GTF2F2: variants seen among roughly 807,000 people sequenced by gnomAD.
GTF2F2 encodes ATP-dependent helicase GTF2F2.
In GTF2F2, 23 loss-of-function variants were observed where a neutral mutation model predicts 42.2. That is an observed-to-expected ratio of 0.55 (90% CI 0.39 to 0.77). The LOEUF (loss-of-function observed/expected upper bound fraction) is 0.77. Among genes scored for constraint, GTF2F2 ranks in the 30% least tolerant of loss-of-function variants. The pLI is 0.00. For synonymous variants in GTF2F2, 105 were observed against 100.8 expected, an observed-to-expected ratio of 1.04 and a Z score of -0.25; for missense variants, 261 against 287.2, an observed-to-expected ratio of 0.91 and a Z score of 0.66.
intron 5 of GTF2F2, among the ~76,000 whole-genome samples, chr13:45,211,218 G>A (rs1873624246): frequency 6.6e-6 from 1 of 152,046 alleles, no homozygotes; most frequent in South Asian, 2.1e-4. Context: ...ATCCCATTTG[G>A]CAGTTTACAT....
chr13:45,260,237 A>T (rs1024206144), intron 6 of GTF2F2, among the ~76,000 whole-genome samples: 3 of 152,306 alleles, frequency 2.0e-5, no homozygotes, highest in Admixed American at 2.0e-4. Flanking sequence ...TTCTATGCAT[A>T]AATTTGAATT....
intron 4 of GTF2F2, among the ~76,000 whole-genome samples, chr13:45,203,617 A>G (rs1228205958): frequency 6.6e-6 from 1 of 152,128 alleles, no homozygotes. Context: ...CTCCCCTCAT[A>G]CTTGCAATTT....
intron 4 of GTF2F2, among the ~76,000 whole-genome samples, chr13:45,183,042 A>G (rs1872240125): frequency 6.6e-6 from 1 of 151,964 alleles, no homozygotes; most frequent in Non-Finnish European, 1.5e-5. Context: ...TATTTTGCCC[A>G]TTTTCAAGGT....
chr13:45,153,247 T>C (rs1255355651), intron 4 of GTF2F2, among the ~76,000 whole-genome samples: 1 of 151,896 alleles, frequency 6.6e-6, no homozygotes, highest in Non-Finnish European at 1.5e-5. Context: ...CTCGATCTCC[T>C]GACCTCGTGA....
At chr13:45,264,040 A>G (rs1421760317) in intron 6 of GTF2F2, 1 of 152,220 alleles carries the variant, frequency 6.6e-6, no homozygotes, top group Admixed American at 6.5e-5. Flanking sequence ...TAAGTAAACA[A>G]TTAACAAATA....
chr13:45,129,490 G>A (rs1000883761), intron 1 of GTF2F2, among the ~76,000 whole-genome samples: 17 of 152,190 alleles, frequency 1.1e-4, no homozygotes, highest in African/African-American at 3.1e-4. Context: ...GATTACAGGC[G>A]TGAGCCACCA....
At chr13:45,211,865 C>T (rs965305003) in intron 5 of GTF2F2, among the ~76,000 whole-genome samples, 11 of 152,080 alleles carry the variant, frequency 7.2e-5, no homozygotes, top group Admixed American at 2.6e-4. Context: ...GGATTACAGG[C>T]GTAATCCACT....
At chr13:45,125,643 G>A (rs1307590976) in intron 1 of GTF2F2, among the ~76,000 whole-genome samples, 1 of 152,078 alleles carries the variant, frequency 6.6e-6, no homozygotes, top group Non-Finnish European at 1.5e-5. Context: ...TCTTTAATGG[G>A]TTATCTCCCT....
chr13:45,181,987 A>G (rs1213294413), intron 4 of GTF2F2, among the ~76,000 whole-genome samples: 1 of 152,122 alleles, frequency 6.6e-6, no homozygotes, highest in East Asian at 1.9e-4. Flanking sequence ...CTTAGGTAAC[A>G]AATGGCCGCC....
chr13:45,154,060 A>G (rs768330056), intron 4 of GTF2F2, among the ~76,000 whole-genome samples: 56 of 151,304 alleles, frequency 3.7e-4, no homozygotes, highest in Non-Finnish European at 7.2e-4. Flanking sequence ...ATTTAATAAG[A>G]TCTGTTGAAC....
chr13:45,194,625 A>G, intron 4 of GTF2F2: 10 of 1,428,966 alleles, frequency 7.0e-6, no homozygotes, highest in Middle Eastern at 1.8e-4. Context: ...TTAAAAAGAG[A>G]CACTACCACA....
At chr13:45,195,358 T>A (rs1872837406) in intron 4 of GTF2F2, among the ~76,000 whole-genome samples, 1 of 152,160 alleles carries the variant, frequency 6.6e-6, no homozygotes, top group Non-Finnish European at 1.5e-5. Flanking sequence ...TGTGGAAAAT[T>A]CATGAACTTG....
chr13:45,207,169 G>A, intron 4 of GTF2F2: 1 of 385,524 alleles, frequency 2.6e-6, no homozygotes, highest in Non-Finnish European at 4.7e-6. Context: ...AGAAGGAGCA[G>A]AGTGTATAAA....
intron 5 of GTF2F2, among the ~76,000 whole-genome samples, chr13:45,242,022 C>T (rs934600634): frequency 1.3e-5 from 2 of 152,154 alleles, no homozygotes; most frequent in African/African-American, 4.8e-5. Flanking sequence ...AAAATTTCCT[C>T]ATTGCCACTT....
At chr13:45,224,609 C>G (rs908738143) in intron 5 of GTF2F2, among the ~76,000 whole-genome samples, 1 of 152,114 alleles carries the variant, frequency 6.6e-6, no homozygotes, top group Non-Finnish European at 1.5e-5. Context: ...GTCACTTGGT[C>G]TTTGTTGTTA....
At chr13:45,126,549 G>A (rs1869013557) in intron 1 of GTF2F2, among the ~76,000 whole-genome samples, 2 of 152,092 alleles carry the variant, frequency 1.3e-5, no homozygotes, top group African/African-American at 2.4e-5. Flanking sequence ...TGTGCCCAGC[G>A]ACAAGAACCA....
At chr13:45,200,662 A>G (rs558448411) in intron 4 of GTF2F2, among the ~76,000 whole-genome samples, 2 of 152,328 alleles carry the variant, frequency 1.3e-5, no homozygotes, top group African/African-American at 4.8e-5. Context: ...TTAATAATAC[A>G]GGGATAGAAA....
chr13:45,210,349 A>C (rs969838515), intron 5 of GTF2F2, among the ~76,000 whole-genome samples: 5 of 152,136 alleles, frequency 3.3e-5, no homozygotes, highest in African/African-American at 1.2e-4. Context: ...GCCTTTGCAC[A>C]GACATTCTTT....
chr13:45,182,844 C>T (rs1872230506), intron 4 of GTF2F2, among the ~76,000 whole-genome samples: 1 of 152,068 alleles, frequency 6.6e-6, no homozygotes, highest in Non-Finnish European at 1.5e-5. Context: ...CGTGCCAGTC[C>T]CCCTTTTTCT....
Sources: gnomAD v4.1 joint callset for allele counts (sites outside exome capture counted in the v4.1 genomes callset) on GRCh38, gnomAD v4.1.1 for gene constraint, MANE v1.5 for transcripts, NCBI Gene and HGNC (gene_info 2026-07-23, HGNC 2026-07-21) for gene names.